The following GRM5 variants were observed in gnomAD, a reference collection of about 807,000 sequenced individuals.
GRM5 encodes the protein glutamate metabotropic receptor 5.
Under a neutral mutation model 83.1 loss-of-function variants are expected in GRM5, and 19 were observed. That is an observed-to-expected ratio of 0.23 (90% CI 0.16 to 0.34). The LOEUF is 0.34. GRM5 is among the 10% of genes least tolerant of loss of function. The pLI, the probability that GRM5 is intolerant of heterozygous loss-of-function variation, is 1.00. For missense variants in GRM5, 1,160 were observed against 1,588.3 expected, an observed-to-expected ratio of 0.73 and a Z score of 4.58; for synonymous variants, 675 against 633.6, an observed-to-expected ratio of 1.07 and a Z score of -0.98.
intron 2 of GRM5, among the ~76,000 whole-genome samples, chr11:89,042,748 A>T (rs1941561812): frequency 6.6e-6 from 1 of 152,244 alleles, no homozygotes; most frequent in Non-Finnish European, 1.5e-5. Flanking sequence ...TCAAACAAGC[A>T]TATAGACTAT....
intron 2 of GRM5, among the ~76,000 whole-genome samples, chr11:89,023,660 A>G (rs1248549234): frequency 6.6e-6 from 1 of 151,776 alleles, no homozygotes; most frequent in African/African-American, 2.4e-5. Context: ...CCTGGCCAAC[A>G]TAGCGAAACC....
intron 2 of GRM5, among the ~76,000 whole-genome samples, chr11:88,852,722 T>A (rs892195246): frequency 6.6e-6 from 1 of 152,026 alleles, no homozygotes; most frequent in Non-Finnish European, 1.5e-5. Flanking sequence ...TTTTAACACA[T>A]GTGTGACATA....
chr11:89,034,711 G>T, intron 2 of GRM5, among the ~76,000 whole-genome samples: 1 of 151,562 alleles, frequency 6.6e-6, no homozygotes, highest in Non-Finnish European at 1.5e-5. Flanking sequence ...CTATATATTT[G>T]CATTGAAATG....
chr11:89,023,884 AATAAATAAATAAAAAT>A lies in GRM5; in HGVS notation c.661+23312_661+23327del, dbSNP rs1451680806. Among the ~76,000 whole-genome samples the A allele has an allele frequency of 9.4e-5, 10 of 105,948 alleles. No individual in the cohort carries two copies. In the East Asian group the frequency reaches 2.9e-3, roughly 31 times the overall value. The allele number at this position is 105,948 out of a possible 152,430, so 69.5% of individuals were successfully genotyped here. ...AAATAAATAAATAAATAAATAAATA[AATAAATAAATAAAAAT>A]AAATTTTAAAATAATGATCTTAATA... On this transcript the variant is annotated intron_variant, in intron 2 of 9. Coordinates refer to ENST00000305447, the MANE Select transcript of GRM5 (RefSeq NM_001143831.3).
intron 2 of GRM5, among the ~76,000 whole-genome samples, chr11:88,987,138 G>A (rs1347222890): frequency 1.3e-5 from 2 of 152,062 alleles, no homozygotes; most frequent in African/African-American, 4.8e-5. Context: ...GTGGGCGCAG[G>A]TCAGTGGGTG....
intron 2 of GRM5, among the ~76,000 whole-genome samples, chr11:88,969,545 T>C (rs1389145844): frequency 6.6e-6 from 1 of 152,104 alleles, no homozygotes; most frequent in South Asian, 2.1e-4. Context: ...AAATAGAGTA[T>C]AGCAAATGAG....
intron 2 of GRM5, among the ~76,000 whole-genome samples, chr11:89,045,710 G>T (rs537117095): frequency 1.3e-5 from 2 of 152,100 alleles, no homozygotes; most frequent in African/African-American, 4.8e-5. Context: ...TTGCCACACC[G>T]TGACCAAGCA....
At chr11:89,054,182 G>C (rs1941822670) in intron 1 of GRM5, among the ~76,000 whole-genome samples, 1 of 152,154 alleles carries the variant, frequency 6.6e-6, no homozygotes, top group African/African-American at 2.4e-5. Context: ...GATAGTCGTT[G>C]GATTGGAGAT....
chr11:88,557,662 A>G (rs1942658269), intron 8 of GRM5, among the ~76,000 whole-genome samples: 2 of 151,910 alleles, frequency 1.3e-5, no homozygotes, highest in African/African-American at 4.8e-5. Flanking sequence ...GATTCCCTGC[A>G]CACACCATGT....
intron 3 of GRM5, among the ~76,000 whole-genome samples, chr11:88,702,924 C>A (rs529382854): frequency 6.6e-6 from 1 of 152,192 alleles, no homozygotes; most frequent in South Asian, 2.1e-4. Context: ...TCATAGACTT[C>A]TAGCCTTCAG....
intron 2 of GRM5, among the ~76,000 whole-genome samples, chr11:88,951,954 TG>T (rs1938478681): frequency 6.6e-6 from 1 of 152,212 alleles, no homozygotes; most frequent in African/African-American, 2.4e-5. Context: ...TTGACTGTTC[TG>T]GTCACTGTTT....
chr11:89,005,537 G>C (rs1940500867), intron 2 of GRM5, among the ~76,000 whole-genome samples: 1 of 152,166 alleles, frequency 6.6e-6, no homozygotes, highest in African/African-American at 2.4e-5. Flanking sequence ...GAATATCTCT[G>C]GATTCAGAAT....
intron 3 of GRM5, among the ~76,000 whole-genome samples, chr11:88,826,052 T>C (rs1943890307): frequency 6.6e-6 from 1 of 152,160 alleles, no homozygotes; most frequent in African/African-American, 2.4e-5. Context: ...TAAGCTGGTG[T>C]TAAGAGGTGT....
chr11:89,047,480 A>G lies in GRM5; in HGVS notation c.393T>C (p.Asp131=), dbSNP rs200923955. Residue 131 remains aspartate, a synonymous_variant, in exon 2 of 10, where the codon GAT becomes GAC. Coordinates refer to ENST00000305447, the MANE Select transcript of GRM5 (RefSeq NM_001143831.3). This position sits in a 1 kb window ranked among gnomAD's most constrained non-coding sequence, Gnocchi z 5.1. The part of the protein sequence containing the change: ...EEEEGLVRCV[D]GSSSSFRSKK... ...TGGAGCGGAAGGAAGAGGAGGAGCC[A>G]TCCACACAGCGTACCAAGCCTTCTT... is the stretch of plus-strand genomic sequence containing the variant. The G allele has an allele frequency of 2.3e-5, 37 of 1,614,130 alleles. 1 individual carries two copies. In the African/African-American group the frequency reaches 4.4e-4, roughly 19 times the overall value.
chr11:88,725,183 C>T lies in GRM5; in HGVS notation c.912-71780G>A, dbSNP rs138366732. On this transcript the variant is annotated intron_variant, in intron 3 of 9. Coordinates refer to ENST00000305447, the MANE Select transcript of GRM5 (RefSeq NM_001143831.3). ...AGCAGTCTGAAGTTGACCTGGGACA[C>T]TCAAGTTTGGTGGGGGGAGAGGTGT... is the stretch of plus-strand genomic sequence containing the variant. Among the ~76,000 whole-genome samples, 837 of 152,248 alleles carry T rather than the reference C, an allele frequency of 5.5e-3. 4 individuals are homozygous for T. Among genetic ancestry groups the T allele is most frequent in the Non-Finnish European group, 8.4e-3 (572 of 68,004 alleles).
chr11:88,791,335 TGAAAACATACATTTAG>T (rs1943168593), intron 3 of GRM5, among the ~76,000 whole-genome samples: 1 of 152,168 alleles, frequency 6.6e-6, no homozygotes, highest in African/African-American at 2.4e-5. Context: ...AATTGTGAGT[TGAAAACATACATTTAG>T]GAAAACATAA....
At chr11:88,599,889 TGTA>T (rs1937929092) in intron 5 of GRM5, among the ~76,000 whole-genome samples, 1 of 152,092 alleles carries the variant, frequency 6.6e-6, no homozygotes, top group Non-Finnish European at 1.5e-5. Flanking sequence ...GGCAGGCGCC[TGTA>T]GTCCCAGCTA....
chr11:88,752,741 A>G (rs1408463275), intron 3 of GRM5, among the ~76,000 whole-genome samples: 1 of 152,232 alleles, frequency 6.6e-6, no homozygotes, highest in African/African-American at 2.4e-5. Context: ...GCAGCATACT[A>G]CTGGTCCAAG....
intron 4 of GRM5, among the ~76,000 whole-genome samples, chr11:88,606,032 G>A (rs1052068284): frequency 1.3e-5 from 2 of 152,184 alleles, no homozygotes; most frequent in Non-Finnish European, 2.9e-5. Context: ...CTGAAGCTGA[G>A]CATTAAGCTA....
Sources: allele counts gnomAD v4.1 joint callset (sites outside exome capture counted in the v4.1 genomes callset), GRCh38; gene constraint gnomAD v4.1.1; non-coding constraint Gnocchi (gnomAD v3.1); transcripts MANE v1.5; gene names NCBI Gene and HGNC (gene_info 2026-07-23, HGNC 2026-07-21).